The following LHFPL6 variants were observed in gnomAD, a reference collection of about 807,000 sequenced individuals.
The protein encoded by LHFPL6 is LHFPL tetraspan subfamily member 6 protein.
Under a neutral mutation model 20.6 loss-of-function variants are expected in LHFPL6, and 9 were observed. The ratio of observed to expected loss-of-function variants is 0.44; its 90% CI spans 0.26 to 0.76. The LOEUF (loss-of-function observed/expected upper bound fraction) is 0.76. Among genes scored for constraint, LHFPL6 ranks in the 30% least tolerant of loss-of-function variants. The pLI, the probability that LHFPL6 is intolerant of heterozygous loss-of-function variation, is 0.20. For synonymous variants in LHFPL6, 105 were observed against 98.7 expected, an observed-to-expected ratio of 1.06 and a Z score of -0.38; for missense variants, 218 against 253.5, an observed-to-expected ratio of 0.86 and a Z score of 0.95.
chr13:39,438,942 C>A (rs1872038312), intron 2 of LHFPL6, among the ~76,000 whole-genome samples: 3 of 152,306 alleles, frequency 2.0e-5, no homozygotes, highest in Admixed American at 6.5e-5. Context: ...TAGGGCAGAG[C>A]AGAGGCAAAA....
intron 2 of LHFPL6, among the ~76,000 whole-genome samples, chr13:39,541,245 G>A (rs1870787024): frequency 6.6e-6 from 1 of 152,198 alleles, no homozygotes. Context: ...CAAAGGAGAA[G>A]AGCTTGGTTT....
Position 39,601,213 on chromosome 13 carries a change from C to A in LHFPL6, c.4G>T (p.Ala2Ser), listed in dbSNP as rs756636287. The A allele has an allele frequency of 1.2e-6, 2 of 1,604,688 alleles. No individual in the cohort carries two copies. Among genetic ancestry groups the A allele is most frequent in the African/African-American group, 2.7e-5 (2 of 74,692 alleles). ...ACTCCAGTACAAGTCAGGCTGGATG[C>A]CATCTTTCACCAGATAGGGCAATGA... M[A>S]SSLTCTGVIW... is the part of the protein sequence containing the mutation. Residue 2 changes from alanine to serine, a missense_variant, in exon 2 of 4, where the codon GCA becomes TCA. By Grantham distance (99) the Ala-to-Ser change is moderately conservative. Transcript: ENST00000379589.
intron 2 of LHFPL6, among the ~76,000 whole-genome samples, chr13:39,599,673 A>T (rs1170777100): frequency 6.6e-6 from 1 of 152,242 alleles, no homozygotes; most frequent in Non-Finnish European, 1.5e-5. Flanking sequence ...TCAAAACACA[A>T]AACTTTGCCA....
intron 2 of LHFPL6, among the ~76,000 whole-genome samples, chr13:39,590,719 TATG>T (rs1320329925): frequency 1.3e-5 from 2 of 152,244 alleles, no homozygotes; most frequent in African/African-American, 4.8e-5. Context: ...GTAAGTATGA[TATG>T]ATACACAGAA....
At chr13:39,354,336 A>G (rs890921995) in intron 3 of LHFPL6, among the ~76,000 whole-genome samples, 30 of 152,264 alleles carry the variant, frequency 2.0e-4, no homozygotes, top group African/African-American at 7.0e-4. Flanking sequence ...CATGACATAC[A>G]CCACAGTCAA....
intron 2 of LHFPL6, among the ~76,000 whole-genome samples, chr13:39,479,793 C>G (rs1868443128): frequency 1.3e-5 from 2 of 152,180 alleles, no homozygotes; most frequent in Non-Finnish European, 2.9e-5. Context: ...AAACTATCAG[C>G]TAAACTCTGT....
chr13:39,468,189 C>T (rs1872851922), intron 2 of LHFPL6, among the ~76,000 whole-genome samples: 1 of 152,178 alleles, frequency 6.6e-6, no homozygotes, highest in Non-Finnish European at 1.5e-5. Context: ...AATGTAAACC[C>T]ATTGTGATCT....
At chr13:39,573,056 C>A (rs1276811099) in intron 2 of LHFPL6, among the ~76,000 whole-genome samples, 1 of 152,206 alleles carries the variant, frequency 6.6e-6, no homozygotes, top group East Asian at 1.9e-4. Context: ...CTAAATGTAC[C>A]GCATACTGTT....
intron 3 of LHFPL6, among the ~76,000 whole-genome samples, chr13:39,350,669 G>A (rs1208966270): frequency 6.6e-6 from 1 of 152,164 alleles, no homozygotes; most frequent in African/African-American, 2.4e-5. Context: ...TTTGCTCTCC[G>A]TAATGCTCCA....
At chr13:39,387,219 C>T (rs946894867) in intron 2 of LHFPL6, among the ~76,000 whole-genome samples, 18 of 152,062 alleles carry the variant, frequency 1.2e-4, no homozygotes, top group Non-Finnish European at 2.4e-4. Context: ...TTTTTGTACA[C>T]ACATGTTTTT....
At chr13:39,567,741 A>G (rs1871772977) in intron 2 of LHFPL6, among the ~76,000 whole-genome samples, 1 of 152,226 alleles carries the variant, frequency 6.6e-6, no homozygotes, top group Admixed American at 6.5e-5. Context: ...CTCTTTTTAT[A>G]GAGCAGGGAT....
chr13:39,392,643 CATTATAGAACT>C (rs1870739691), intron 2 of LHFPL6, among the ~76,000 whole-genome samples: 1 of 151,948 alleles, frequency 6.6e-6, no homozygotes, highest in Non-Finnish European at 1.5e-5. Flanking sequence ...CTGCATTTCA[CATTATAGAACT>C]AGCAGAAGGT....
intron 2 of LHFPL6, among the ~76,000 whole-genome samples, chr13:39,387,746 G>C (rs1870604212): frequency 6.6e-6 from 1 of 152,008 alleles, no homozygotes; most frequent in Non-Finnish European, 1.5e-5. Context: ...AGTGTTCACT[G>C]TCCCATCTCT....
At chr13:39,515,807 C>T (rs1311250655) in intron 2 of LHFPL6, among the ~76,000 whole-genome samples, 1 of 151,934 alleles carries the variant, frequency 6.6e-6, no homozygotes. Context: ...AAATAAAAAG[C>T]ATTATTAACT....
At chr13:39,516,024 G>A (rs1214800168) in intron 2 of LHFPL6, among the ~76,000 whole-genome samples, 1 of 152,038 alleles carries the variant, frequency 6.6e-6, no homozygotes, top group Non-Finnish European at 1.5e-5. Flanking sequence ...TTCAACCCAG[G>A]AATTTTTCAA....
At chr13:39,415,285 C>T (rs1382203200) in intron 2 of LHFPL6, among the ~76,000 whole-genome samples, 1 of 152,100 alleles carries the variant, frequency 6.6e-6, no homozygotes, top group African/African-American at 2.4e-5. Flanking sequence ...GGCATGAATC[C>T]CGTTGGATTT....
At chr13:39,347,341 C>T (rs1360769265) in intron 3 of LHFPL6, among the ~76,000 whole-genome samples, 1 of 152,108 alleles carries the variant, frequency 6.6e-6, no homozygotes, top group African/African-American at 2.4e-5. Context: ...TGGTAAACAC[C>T]TAATAAATAA....
chr13:39,500,167 CT>C (rs1869243477), intron 2 of LHFPL6, among the ~76,000 whole-genome samples: 1 of 151,818 alleles, frequency 6.6e-6, no homozygotes, highest in Non-Finnish European at 1.5e-5. Context: ...TTGCATTTTG[CT>C]TTTTTTATTT....
At chr13:39,476,214 G>T (rs1873080481) in intron 2 of LHFPL6, among the ~76,000 whole-genome samples, 1 of 152,070 alleles carries the variant, frequency 6.6e-6, no homozygotes, top group Non-Finnish European at 1.5e-5. Flanking sequence ...ATTTTTAATA[G>T]AGACTGTGTC....
Sources: allele counts gnomAD v4.1 joint callset (sites outside exome capture counted in the v4.1 genomes callset), GRCh38; gene constraint gnomAD v4.1.1; transcripts MANE v1.5; gene names NCBI Gene and HGNC (gene_info 2026-07-23, HGNC 2026-07-21).